TRPM3: variants seen among roughly 807,000 people sequenced by gnomAD.
The protein encoded by TRPM3 is transient receptor potential cation channel subfamily M member 3, also known as long transient receptor potential channel 3.
A neutral mutation model predicts 181.2 loss-of-function variants in TRPM3; 77 were observed. The observed-to-expected ratio is 0.42, with a 90% CI of 0.35 to 0.51. The LOEUF (loss-of-function observed/expected upper bound fraction) is 0.51, where lower values mean the gene tolerates loss of function less well. TRPM3 is among the 20% of genes least tolerant of loss of function. The probability of loss-of-function intolerance (pLI) is 0.01; values close to 1 mark genes in which losing one functional copy is unlikely to be tolerated. For missense variants in TRPM3, 1,759 were observed against 2,196.7 expected (o/e 0.80, Z 3.98); for synonymous variants, 745 against 796.4 (o/e 0.94, Z 1.09).
chr9:70,964,271 T>A (rs1377446372), intron 1 of TRPM3, among the ~76,000 whole-genome samples: 1 of 152,104 alleles, frequency 6.6e-6, no homozygotes, highest in Non-Finnish European at 1.5e-5. Context: ...TTACAGTATA[T>A]AACCCATGCC....
At chr9:70,682,379 A>C (rs1355843045) in intron 8 of TRPM3, among the ~76,000 whole-genome samples, 1 of 152,172 alleles carries the variant, frequency 6.6e-6, no homozygotes, top group Non-Finnish European at 1.5e-5. Flanking sequence ...TAATACAACT[A>C]AGCAATCCAG....
intron 1 of TRPM3, among the ~76,000 whole-genome samples, chr9:71,095,768 A>AG (rs1240358156): frequency 4.6e-5 from 7 of 151,346 alleles, no homozygotes; most frequent in Non-Finnish European, 1.0e-4. Flanking sequence ...CAAAAAAAAA[A>AG]AAAAAAAAAA....
chr9:71,387,564 G>A (rs2092955290), intron 1 of TRPM3, among the ~76,000 whole-genome samples: 1 of 152,122 alleles, frequency 6.6e-6, no homozygotes, highest in Admixed American at 6.6e-5. Flanking sequence ...CACAATTTCT[G>A]TAATTAAATA....
intron 1 of TRPM3, among the ~76,000 whole-genome samples, chr9:70,960,371 G>GA (rs761198381): frequency 1.3e-5 from 2 of 152,020 alleles, no homozygotes; most frequent in East Asian, 3.9e-4. Flanking sequence ...CCCATCCATG[G>GA]AAAAAGGTCT....
chr9:71,437,874 A>G (rs1018504641), intron 1 of TRPM3, among the ~76,000 whole-genome samples: 2 of 151,816 alleles, frequency 1.3e-5, no homozygotes, highest in East Asian at 1.9e-4. Flanking sequence ...GAAAAAAAAA[A>G]AAAAAAGAAA....
intron 3 of TRPM3, among the ~76,000 whole-genome samples, chr9:70,854,741 C>G (rs963096733): frequency 2.6e-5 from 4 of 152,162 alleles, no homozygotes; most frequent in Non-Finnish European, 4.4e-5. Context: ...TCTTCTCTTT[C>G]TGTCATTAGC....
intron 1 of TRPM3, among the ~76,000 whole-genome samples, chr9:71,037,749 T>G (rs929184945): frequency 1.3e-5 from 2 of 152,208 alleles, no homozygotes; most frequent in African/African-American, 4.8e-5. Flanking sequence ...GCAGATGTAA[T>G]CAGTAATATG....
chr9:71,443,916 C>A (rs778171130), intron 1 of TRPM3, among the ~76,000 whole-genome samples: 1 of 152,174 alleles, frequency 6.6e-6, no homozygotes, highest in African/African-American at 2.4e-5. Flanking sequence ...CACGGTGGCT[C>A]ATACCTGTAA....
chr9:70,661,472 C>T (rs1163309639), intron 9 of TRPM3, among the ~76,000 whole-genome samples: 1 of 151,890 alleles, frequency 6.6e-6, no homozygotes, highest in Admixed American at 6.6e-5. Context: ...TGAAAGGAAT[C>T]CAAATCAGAA....
chr9:71,188,040 C>T (rs2077791060), intron 1 of TRPM3, among the ~76,000 whole-genome samples: 1 of 151,884 alleles, frequency 6.6e-6, no homozygotes, highest in African/African-American at 2.4e-5. Context: ...CATTTAGGTT[C>T]TTTCCATTTC....
intron 6 of TRPM3, among the ~76,000 whole-genome samples, chr9:70,795,170 G>C (rs918256716): frequency 1.3e-4 from 20 of 152,160 alleles, no homozygotes; most frequent in Non-Finnish European, 1.5e-4. Flanking sequence ...ATCTGTGGGA[G>C]ATTTTGGAAC....
intron 1 of TRPM3, among the ~76,000 whole-genome samples, chr9:71,396,949 G>C (rs1359759361): frequency 6.8e-6 from 1 of 147,828 alleles, no homozygotes; most frequent in Non-Finnish European, 1.5e-5. Context: ...CTGGGCAACG[G>C]AGCAAGACTT....
intron 1 of TRPM3, among the ~76,000 whole-genome samples, chr9:71,222,355 C>G (rs1786269377): frequency 6.6e-6 from 1 of 152,134 alleles, no homozygotes; most frequent in Non-Finnish European, 1.5e-5. Context: ...AGAGGTGGTC[C>G]TTTGTTCATT....
At position 70,750,149 on chromosome 9, in the gene TRPM3, GAA is replaced by G. The variant is rs2075874179; in HGVS notation, c.1272+11450_1272+11451del. On this transcript the variant is annotated intron_variant, in intron 8 of 25. Transcript: ENST00000677713. ...AGATTGTACTATGCATTTTTCTGTT[GAA>G]AATCAGAGTAAGCAGTTGTGAGATG... is the stretch of plus-strand genomic sequence containing the variant. Among the ~76,000 whole-genome samples, 3 of 152,160 alleles carry G rather than the reference GAA, an allele frequency of 2.0e-5. No individual in the cohort carries two copies. In the South Asian group the frequency reaches 6.2e-4, roughly 32 times the overall value.
At chr9:70,591,889 T>C (rs2132538939) in intron 21 of TRPM3, among the ~76,000 whole-genome samples, 1 of 152,298 alleles carries the variant, frequency 6.6e-6, no homozygotes, top group Non-Finnish European at 1.5e-5. Context: ...CCATTGGCTA[T>C]GGAGGGTGTT....
At chr9:70,845,296 G>T (rs2094907854) in intron 4 of TRPM3, among the ~76,000 whole-genome samples, 3 of 152,106 alleles carry the variant, frequency 2.0e-5, no homozygotes, top group African/African-American at 7.2e-5. Context: ...CTGGAGTGTG[G>T]TGGCATGATC....
intron 1 of TRPM3, among the ~76,000 whole-genome samples, chr9:71,072,077 A>G (rs1180152056): frequency 2.0e-5 from 3 of 152,208 alleles, no homozygotes; most frequent in Non-Finnish European, 4.4e-5. Flanking sequence ...AGATATTTTC[A>G]GAGAGGAGCT....
At chr9:71,041,193 G>A (rs1565050379) in intron 1 of TRPM3, among the ~76,000 whole-genome samples, 1 of 152,086 alleles carries the variant, frequency 6.6e-6, no homozygotes, top group Non-Finnish European at 1.5e-5. Flanking sequence ...AGTACAGAAG[G>A]AAATTGGGTG....
intron 1 of TRPM3, among the ~76,000 whole-genome samples, chr9:71,195,599 A>G (rs2078300349): frequency 1.3e-5 from 2 of 152,114 alleles, no homozygotes; most frequent in Non-Finnish European, 2.9e-5. Context: ...CAGCAATCCC[A>G]TTACTGGGTA....
Sources: gnomAD v4.1 joint callset for allele counts (sites outside exome capture counted in the v4.1 genomes callset) on GRCh38, gnomAD v4.1.1 for gene constraint, MANE v1.5 for transcripts, NCBI Gene and HGNC (gene_info 2026-07-23, HGNC 2026-07-21) for gene names.